The following SLC8A1 variants were observed in gnomAD, a reference collection of about 807,000 sequenced individuals.
The protein encoded by SLC8A1 is solute carrier family 8 member A1.
Under a neutral mutation model 68.3 loss-of-function variants are expected in SLC8A1, and 18 were observed. The observed-to-expected ratio is 0.26, with a 90% CI of 0.18 to 0.39. The LOEUF (loss-of-function observed/expected upper bound fraction) is 0.39, where lower values mean the gene tolerates loss of function less well. Ranked by LOEUF, SLC8A1 falls within the 10% of genes least tolerant of loss-of-function variation. The pLI, the probability that SLC8A1 is intolerant of heterozygous loss-of-function variation, is 1.00. For missense variants in SLC8A1, 985 were observed against 1,156.7 expected (o/e 0.85, Z 2.15); for synonymous variants, 475 against 415.5 (o/e 1.14, Z -1.74).
At chr2:40,154,088 T>G (rs2043953466) in intron 6 of SLC8A1, among the ~76,000 whole-genome samples, 1 of 152,118 alleles carries the variant, frequency 6.6e-6, no homozygotes, top group African/African-American at 2.4e-5. Flanking sequence ...ATATTCCAGC[T>G]AATCACTTGC....
intron 2 of SLC8A1, among the ~76,000 whole-genome samples, chr2:40,426,008 G>T (rs574310079): frequency 1.3e-5 from 2 of 151,906 alleles, no homozygotes; most frequent in African/African-American, 4.8e-5. Flanking sequence ...TAGAAACCTT[G>T]TGTTTGAATC....
chr2:40,273,379 C>T (rs536834039), intron 2 of SLC8A1, among the ~76,000 whole-genome samples: 67 of 152,290 alleles, frequency 4.4e-4, no homozygotes, highest in South Asian at 2.1e-3. Flanking sequence ...AGGCACTAGC[C>T]ACCATGCCCA....
intron 7 of SLC8A1, among the ~76,000 whole-genome samples, chr2:40,116,644 G>A (rs972214156): frequency 1.4e-5 from 2 of 145,620 alleles, no homozygotes; most frequent in Non-Finnish European, 3.1e-5. Context: ...GACAAGTAGT[G>A]GATGCAATAT....
chr2:40,422,435 C>G (rs1031109991), intron 2 of SLC8A1, among the ~76,000 whole-genome samples: 3 of 152,132 alleles, frequency 2.0e-5, no homozygotes, highest in Non-Finnish European at 4.4e-5. Flanking sequence ...CAAATAACCC[C>G]TTGTATGTCT....
chr2:40,305,931 A>T (rs1559168218), intron 2 of SLC8A1, among the ~76,000 whole-genome samples: 1 of 152,214 alleles, frequency 6.6e-6, no homozygotes, highest in Admixed American at 6.5e-5. Flanking sequence ...AGCATTGTAC[A>T]TATTACTTGG....
intron 2 of SLC8A1, among the ~76,000 whole-genome samples, chr2:40,406,471 C>T (rs1162385725): frequency 6.6e-6 from 1 of 152,126 alleles, no homozygotes; most frequent in African/African-American, 2.4e-5. Context: ...TTCAAAACTT[C>T]TAAATGGGTT....
chr2:40,430,918 A>G (rs1698139855), intron 1 of SLC8A1, among the ~76,000 whole-genome samples: 1 of 152,220 alleles, frequency 6.6e-6, no homozygotes, highest in South Asian at 2.1e-4. Context: ...TTACTTGGAA[A>G]CAAAACTTCA....
chr2:40,199,168 T>G (rs1194201076), intron 2 of SLC8A1, among the ~76,000 whole-genome samples: 4 of 151,814 alleles, frequency 2.6e-5, no homozygotes, highest in Non-Finnish European at 5.9e-5. Flanking sequence ...AGTTGTGGAA[T>G]TTAGAGTATG....
At chr2:40,217,961 T>G (rs961407801) in intron 2 of SLC8A1, among the ~76,000 whole-genome samples, 2 of 152,170 alleles carry the variant, frequency 1.3e-5, no homozygotes, top group African/African-American at 4.8e-5. Flanking sequence ...GTAAACAGAT[T>G]GTGTGAAGGC....
intron 6 of SLC8A1, among the ~76,000 whole-genome samples, chr2:40,140,668 C>T (rs2041387284): frequency 6.6e-6 from 1 of 152,234 alleles, no homozygotes; most frequent in Non-Finnish European, 1.5e-5. Context: ...TTCATGTTCT[C>T]TTCTCCAGTT....
intron 3 of SLC8A1, 96 bp from the exon 5 acceptor site, chr2:40,174,938 C>T (rs748079082): frequency 2.2e-4 from 251 of 1,128,964 alleles, no homozygotes; most frequent in Non-Finnish European, 3.2e-4. Flanking sequence ...ACCCAAGGTA[C>T]TTGCCAAATT....
chr2:40,135,153 G>C (rs1305085847), intron 7 of SLC8A1, among the ~76,000 whole-genome samples: 3 of 152,224 alleles, frequency 2.0e-5, no homozygotes, highest in Non-Finnish European at 4.4e-5. Context: ...GAACAGACTG[G>C]AAAGATAGGC....
intron 2 of SLC8A1, among the ~76,000 whole-genome samples, chr2:40,367,207 A>C (rs187069113): frequency 6.6e-6 from 1 of 152,166 alleles, no homozygotes; most frequent in African/African-American, 2.4e-5. Flanking sequence ...TTAATCAGGC[A>C]GATGGCATCC....
chr2:40,484,462 T>C (rs964187981), intron 1 of SLC8A1, among the ~76,000 whole-genome samples: 1 of 152,210 alleles, frequency 6.6e-6, no homozygotes, highest in Non-Finnish European at 1.5e-5. Context: ...TTCTCGTATC[T>C]TTACAATAGA....
intron 7 of SLC8A1, among the ~76,000 whole-genome samples, chr2:40,124,464 G>C (rs1428050083): frequency 1.3e-5 from 2 of 152,196 alleles, no homozygotes; most frequent in African/African-American, 4.8e-5. Flanking sequence ...GGTGACACTT[G>C]AGGACACGTG....
chr2:40,165,980 A>G (rs75402228), intron 4 of SLC8A1, among the ~76,000 whole-genome samples: 4,998 of 152,310 alleles, frequency 0.033, 115 homozygotes, highest in African/African-American at 0.055. Context: ...ATTGTCTCCA[A>G]TGAAACATTA....
chr2:40,174,647 G>A, intron 4 of SLC8A1, 59 bp downstream of exon 6: 1 of 1,383,274 alleles, frequency 7.2e-7, no homozygotes, highest in Non-Finnish European at 1.0e-6. Flanking sequence ...ATGTAGGTTT[G>A]GATTGATGGT....
At chr2:40,277,652 T>C (rs1452601433) in intron 2 of SLC8A1, among the ~76,000 whole-genome samples, 1 of 151,684 alleles carries the variant, frequency 6.6e-6, no homozygotes, top group East Asian at 1.9e-4. Flanking sequence ...GCCCAGCATC[T>C]GAAATGTCAT....
chr2:40,441,283 G>A (rs1700430024), intron 1 of SLC8A1, among the ~76,000 whole-genome samples: 2 of 151,528 alleles, frequency 1.3e-5, no homozygotes, highest in South Asian at 4.2e-4. Flanking sequence ...AGGGAGGACA[G>A]AAATGGAAAA....
Sources: gnomAD v4.1 joint callset for allele counts (sites outside exome capture counted in the v4.1 genomes callset) on GRCh38, gnomAD v4.1.1 for gene constraint, MANE v1.5 for transcripts, NCBI Gene and HGNC (gene_info 2026-07-23, HGNC 2026-07-21) for gene names.